MOCOS: variants seen among roughly 807,000 people sequenced by gnomAD.
MOCOS encodes molybdenum cofactor sulfurase.
Under a neutral mutation model 83.6 loss-of-function variants are expected in MOCOS, and 86 were observed. The observed-to-expected ratio is 1.03, with a 90% CI of 0.86 to 1.23. The LOEUF is 1.23. Ranked by LOEUF, MOCOS falls within the 50% of genes most tolerant of loss-of-function variation. The pLI, the probability that MOCOS is intolerant of heterozygous loss-of-function variation, is 0.00. For missense variants in MOCOS, 1,120 were observed against 1,126.9 expected, an observed-to-expected ratio of 0.99 and a Z score of 0.09; for synonymous variants, 445 against 434.7, an observed-to-expected ratio of 1.02 and a Z score of -0.29.
chr18:36,248,776 T>TC (rs1206871965), intron 9 of MOCOS, 146 bp from the exon 10 acceptor site: 8 of 696,860 alleles, frequency 1.1e-5, no homozygotes, highest in Non-Finnish European at 2.0e-5. Flanking sequence ...ATATTTTGGT[T>TC]CTGTATCCTG....
chr18:36,199,795 C>A lies in MOCOS; in HGVS notation c.412C>A (p.Pro138Thr), dbSNP rs2091404261. Residue 138 changes from proline (P) to threonine (T), a missense_variant, in exon 4 of 15, where the codon CCA becomes ACA. Coordinates refer to ENST00000261326, the MANE Select transcript of MOCOS (RefSeq NM_017947.4). ...AEAFPWVSQG[P>T]ESSGSRFCYL... ...GGCCTTTCCATGGGTGTCCCAGGGC[C>A]CAGAGAGCAGTGGGAGTCGCTTCTG... The A allele has an allele frequency of 4.3e-6, 7 of 1,614,000 alleles. No homozygotes were observed. The highest frequency in any genetic ancestry group is 1.7e-5 in the Admixed American group (1 of 59,992).
At chr18:36,234,610 A>G (rs2091550626) in intron 9 of MOCOS, among the ~76,000 whole-genome samples, 1 of 152,100 alleles carries the variant, frequency 6.6e-6, no homozygotes, top group Non-Finnish European at 1.5e-5. Flanking sequence ...GAATTTGTAT[A>G]TTTCTTTTAA....
intron 4 of MOCOS, among the ~76,000 whole-genome samples, chr18:36,201,674 A>AAAAAAAAAAAAAAG (rs1205619664): frequency 6.8e-5 from 10 of 148,030 alleles, no homozygotes; most frequent in African/African-American, 2.3e-4. Context: ...AAAAAAAAAA[A>AAAAAAAAAAAAAAG]AAAAAGAAAT....
In MOCOS at chr18:36,200,257, G is replaced by T; in HGVS notation, c.874G>T (p.Gly292Ter). Reference sequence around the variant, plus strand: ...TCTACTGAGGAAGACCTACTTTGGAGGAGGGACAGCCTCTGCGTACCTAGC... The same window carrying T: ...TCTACTGAGGAAGACCTACTTTGGATGAGGGACAGCCTCTGCGTACCTAGC... ...APLLRKTYFG[G>*]GTASAYLAGE... Residue 292 changes from glycine (G) to a stop codon, truncating the protein, a stop_gained, in exon 4 of 15, where the codon GGA (glycine) becomes TGA (stop). Transcript: ENST00000261326. LOFTEE classifies it high-confidence loss of function. 2 of 1,614,188 alleles carry T rather than the reference G, an allele frequency of 1.2e-6. No homozygotes were observed. The highest frequency in any genetic ancestry group is 1.7e-6 in the Non-Finnish European group (2 of 1,180,030).
At chr18:36,215,466 C>G in intron 7 of MOCOS, 50 bp from the exon 8 acceptor site, 2 of 1,554,944 alleles carry the variant, frequency 1.3e-6, no homozygotes, top group Non-Finnish European at 1.8e-6. Context: ...TTTCCAGTGT[C>G]TCTATGAGAA....
At position 36,271,221 on chromosome 18, in the gene MOCOS, C is replaced by G. The variant is rs2091698100; in HGVS notation, c.*2536C>G. The G allele has an allele frequency of 6.6e-6, 1 of 152,128 alleles. No individual in the cohort carries two copies. The highest frequency in any genetic ancestry group is 2.4e-5 in the African/African-American group (1 of 41,434). The allele number at this position is 152,128 out of a possible 1,614,324, so 9.4% of individuals were successfully genotyped here. ...TACTGATTTAACATTGATCTGTTTT[C>G]ACTAGACTGTAAGCTCCATGAGGAC... On this transcript the variant is annotated 3_prime_UTR_variant, in exon 15 of 15. Transcript: ENST00000261326.
intron 9 of MOCOS, among the ~76,000 whole-genome samples, chr18:36,230,770 G>T (rs1312535402): frequency 6.6e-6 from 1 of 152,196 alleles, no homozygotes; most frequent in Admixed American, 6.5e-5. Context: ...GCACTGCACT[G>T]TGGGCCAGGT....
intron 6 of MOCOS, among the ~76,000 whole-genome samples, chr18:36,212,633 T>A (rs1288855509): frequency 2.0e-5 from 3 of 152,152 alleles, no homozygotes; most frequent in Non-Finnish European, 2.9e-5. Context: ...ATGGCCAAAG[T>A]GAAGACTGCC....
chr18:36,240,856 T>C (rs1035810331), intron 9 of MOCOS, among the ~76,000 whole-genome samples: 2 of 152,106 alleles, frequency 1.3e-5, no homozygotes, highest in Non-Finnish European at 2.9e-5. Flanking sequence ...TTTAAGCCCA[T>C]CGGAAAAGCG....
At position 36,268,699 on chromosome 18, in the gene MOCOS, C is replaced by CGT; in HGVS notation, c.*14_*15insGT. 2.3e-6 allele frequency: 3 copies of CGT among 1,310,574 alleles called. No individual in the cohort carries two copies. The highest frequency in any genetic ancestry group is 3.1e-6 in the Non-Finnish European group (3 of 967,868). The allele number at this position is 1,310,574 out of a possible 1,614,324, so 81.2% of individuals were successfully genotyped here. A position where few individuals can be genotyped will look rare whatever the true frequency, so the allele number is the denominator to read the frequency against. ...GTTACCTCCTAAAAAAAATTTTTAG[C>CGT]ATAAAGTTTCTCTTTTACAGTGATC... is the stretch of plus-strand genomic sequence containing the variant. On this transcript the variant is annotated 3_prime_UTR_variant, in exon 15 of 15. Coordinates refer to ENST00000261326, the MANE Select transcript of MOCOS (RefSeq NM_017947.4).
At chr18:36,251,408 C>A in intron 11 of MOCOS, 125 bp downstream of exon 11, 1 of 1,321,678 alleles carries the variant, frequency 7.6e-7, no homozygotes. Context: ...GGTCATCAGC[C>A]TTTAGCAGAA....
At chr18:36,210,623 G>T (rs1417731600) in intron 6 of MOCOS, among the ~76,000 whole-genome samples, 6 of 151,964 alleles carry the variant, frequency 3.9e-5, no homozygotes, top group African/African-American at 1.4e-4. Flanking sequence ...GGCCGAGGTT[G>T]GTGGACCACC....
intron 6 of MOCOS, among the ~76,000 whole-genome samples, chr18:36,207,458 A>T (rs758269053): frequency 7.2e-5 from 11 of 152,154 alleles, no homozygotes; most frequent in Non-Finnish European, 1.2e-4. Context: ...CCTCAGCAGC[A>T]TATGTTAATT....
At position 36,271,427 on chromosome 18, in the gene MOCOS, T is replaced by A; in HGVS notation, c.*2742T>A. 1 of 152,190 alleles carries A rather than the reference T, an allele frequency of 6.6e-6. No individual in the cohort carries two copies. Among genetic ancestry groups the A allele is most frequent in the East Asian group, 1.9e-4 (1 of 5,196 alleles). 9.4% of individuals were successfully genotyped at this position (152,190 alleles called of 1,614,324 possible). A position where few individuals can be genotyped will look rare whatever the true frequency, so the allele number is the denominator to read the frequency against. ...TAGTGTCTACCTTCAATATTTCTTGTATGAAGTTTCAGCTAAAAATGTACT... is the reference window on the plus strand; with the variant it reads ...TAGTGTCTACCTTCAATATTTCTTGAATGAAGTTTCAGCTAAAAATGTACT... On this transcript the variant is annotated 3_prime_UTR_variant, in exon 15 of 15. Coordinates refer to ENST00000261326, the MANE Select transcript of MOCOS (RefSeq NM_017947.4).
At chr18:36,251,048 T>G in intron 10 of MOCOS, 111 bp from the exon 11 acceptor site, 1 of 1,336,800 alleles carries the variant, frequency 7.5e-7, no homozygotes, top group South Asian at 1.3e-5. Context: ...CCTTCAGGGC[T>G]CATGCAATGT....
At chr18:36,254,496 GTGTA>G (rs200812719) in intron 11 of MOCOS, among the ~76,000 whole-genome samples, 2 of 61,042 alleles carry the variant, frequency 3.3e-5, no homozygotes, top group South Asian at 4.3e-4. Context: ...GTGTGTGTGT[GTGTA>G]TAGAGAGAGA....
chr18:36,237,944 C>G (rs184772650), intron 9 of MOCOS, among the ~76,000 whole-genome samples: 3,143 of 151,728 alleles, frequency 0.021, 116 homozygotes, highest in African/African-American at 0.073. Context: ...TATTCTCTGA[C>G]GGTAGTTTGT....
chr18:36,197,857 A>T (rs1186295573), intron 2 of MOCOS, among the ~76,000 whole-genome samples: 1 of 152,188 alleles, frequency 6.6e-6, no homozygotes, highest in Non-Finnish European at 1.5e-5. Context: ...AATCAGTTAG[A>T]TGTTTTCATT....
rs1485115254 is a variant in MOCOS at position 36,200,096 on chromosome 18, A to C, written c.713A>C (p.Asp238Ala). 6.2e-7 allele frequency: 1 copy of C among 1,614,208 alleles called. No individual in the cohort carries two copies. Among genetic ancestry groups the C allele is most frequent in the South Asian group, 1.1e-5 (1 of 91,078 alleles). ...CCTGGGAAGTGGTTTGTGCTGCTGG[A>C]TGCAGCCTCCTACGTGAGCACCTCG... ...STPGKWFVLL[D>A]AASYVSTSPL... The change falls in exon 4 of 15, where the codon GAT becomes GCT. Residue 238 changes from aspartate (D) to alanine (A), a missense_variant. Transcript: ENST00000261326.
Sources: gnomAD v4.1 joint callset for allele counts (sites outside exome capture counted in the v4.1 genomes callset) on GRCh38, gnomAD v4.1.1 for gene constraint, MANE v1.5 for transcripts, NCBI Gene and HGNC (gene_info 2026-07-23, HGNC 2026-07-21) for gene names.